The following DMXL1 variants were observed in gnomAD, a reference collection of about 807,000 sequenced individuals.
The protein encoded by DMXL1 is dmX-like protein 1.
DMXL1 carries 99 observed loss-of-function variants against 319.2 expected under a neutral mutation model. The ratio of observed to expected loss-of-function variants is 0.31; its 90% CI spans 0.26 to 0.37. The LOEUF is 0.37. Ranked by LOEUF, DMXL1 falls within the 10% of genes least tolerant of loss-of-function variation. The pLI is 1.00. For missense variants in DMXL1, 3,745 were observed against 3,595.6 expected (o/e 1.04, Z -1.06); for synonymous variants, 1,385 against 1,235.2 (o/e 1.12, Z -2.54).
intron 37 of DMXL1, among the ~76,000 whole-genome samples, chr5:119,223,999 T>C (rs1006184646): frequency 6.6e-6 from 1 of 152,144 alleles, no homozygotes; most frequent in South Asian, 2.1e-4. Context: ...TCTGCTATTT[T>C]GGAGTATAAC....
chr5:119,192,530 A>G (rs1778877078), intron 29 of DMXL1, among the ~76,000 whole-genome samples: 1 of 152,154 alleles, frequency 6.6e-6, no homozygotes, highest in Non-Finnish European at 1.5e-5. Flanking sequence ...ATACTTACTT[A>G]TATAACTTTC....
chr5:119,110,054 T>C, intron 4 of DMXL1, 97 bp from the exon 5 acceptor site: 4 of 1,155,470 alleles, frequency 3.5e-6, no homozygotes, highest in Non-Finnish European at 4.8e-6. Flanking sequence ...GATATTTGAC[T>C]TTTTTTTAGA....
At chr5:119,095,890 C>A (rs1444634704) in intron 1 of DMXL1, among the ~76,000 whole-genome samples, 1 of 152,096 alleles carries the variant, frequency 6.6e-6, no homozygotes, top group African/African-American at 2.4e-5. Flanking sequence ...CTAGTGGAAT[C>A]ATAATTGATT....
At chr5:119,073,867 C>G (rs1253363897) in intron 1 of DMXL1, among the ~76,000 whole-genome samples, 1 of 151,472 alleles carries the variant, frequency 6.6e-6, no homozygotes, top group African/African-American at 2.4e-5. Flanking sequence ...GCCCTTTTTT[C>G]TTCTCTCATG....
At position 119,150,161 on chromosome 5, in the gene DMXL1, A is replaced by C; in HGVS notation, c.4334A>C (p.Glu1445Ala). The C allele has an allele frequency of 8.1e-6, 13 of 1,613,856 alleles. No individual in the cohort carries two copies. Among genetic ancestry groups the C allele is most frequent in the Non-Finnish European group, 1.0e-5 (12 of 1,179,876 alleles). ...CAATTATCTAAAGAAAGTTATGATG[A>C]GCTTTTTCAGACTCAACTTCTAATG... ...SNQLSKESYD[E>A]LFQTQLLMTD... The change falls in exon 18 of 44, where the codon GAG (glutamate) becomes GCG (alanine). Residue 1445 changes from glutamate (E) to alanine (A), a missense_variant. By Grantham distance (107) the Glu-to-Ala change is moderately radical. This residue lies in a region of DMXL1 where 2,096 missense variants were observed against 1,985.4 expected (regional missense o/e 1.06). Coordinates refer to ENST00000539542, the MANE Select transcript of DMXL1 (RefSeq NM_001290321.3).
intron 19 of DMXL1, among the ~76,000 whole-genome samples, chr5:119,164,196 A>G (rs569470925): frequency 1.3e-5 from 2 of 152,286 alleles, no homozygotes; most frequent in East Asian, 3.9e-4. Context: ...ATATATCAAC[A>G]TAAAATAATG....
At chr5:119,218,390 CTGTT>C (rs1314373862) in intron 35 of DMXL1, among the ~76,000 whole-genome samples, 1 of 151,586 alleles carries the variant, frequency 6.6e-6, no homozygotes, top group African/African-American at 2.4e-5. Context: ...ATGAATATGC[CTGTT>C]TAATTTTTAT....
intron 10 of DMXL1, among the ~76,000 whole-genome samples, chr5:119,131,231 AT>A (rs940029260): frequency 6.6e-6 from 1 of 152,024 alleles, no homozygotes; most frequent in African/African-American, 2.4e-5. Flanking sequence ...CTTAAAAAAA[AT>A]ATATCTCTTC....
At chr5:119,169,022 G>A (rs932421422) in intron 23 of DMXL1, among the ~76,000 whole-genome samples, 4 of 151,950 alleles carry the variant, frequency 2.6e-5, no homozygotes, top group African/African-American at 4.8e-5. Context: ...CCACCCCAGC[G>A]TCCTGAGTAG....
At chr5:119,132,880 A>G in intron 10 of DMXL1, 1 of 574,450 alleles carries the variant, frequency 1.7e-6, no homozygotes. Context: ...AGTAGATAAG[A>G]AACTAGATCT....
intron 9 of DMXL1, chr5:119,127,426 T>C (rs1454024871): frequency 6.7e-6 from 1 of 150,288 alleles, no homozygotes; most frequent in Non-Finnish European, 1.5e-5. Context: ...TTGTCCAGGA[T>C]AGAATTTTAG....
Position 119,178,201 on chromosome 5 carries a change from A to G in DMXL1, c.7092A>G (p.Ala2364=), listed in dbSNP as rs79396421. 3 of 1,613,762 alleles carry G rather than the reference A, an allele frequency of 1.9e-6. No individual in the cohort carries two copies. The highest frequency in any genetic ancestry group is 2.2e-5 in the South Asian group (2 of 91,072). Residue 2364 remains alanine, a synonymous_variant, in exon 28 of 44, where the codon GCA becomes GCG. Transcript: ENST00000539542. ...GGTCTGCTGTGTTTGGTGGAGGTGCACATGTTCCTAGCAAAGAACAGACAC... is the reference window on the plus strand; with the variant it reads ...GGTCTGCTGTGTTTGGTGGAGGTGCGCATGTTCCTAGCAAAGAACAGACAC... ...KMWSAVFGGG[A]HVPSKEQTHS...
At position 119,149,653 on chromosome 5, in the gene DMXL1, C is replaced by T. The variant is rs548715208; in HGVS notation, c.3826C>T (p.His1276Tyr). ...ACAGAGTAACTCCAGTTCTGGGTTA[C>T]ATCCTCCAAAGAAAACTCTGACTCG... ...IKQSNSSSGL[H>Y]PPKKTLTRSM... The change falls in exon 18 of 44, where the codon CAT becomes TAT. Residue 1276 changes from histidine to tyrosine, a missense_variant. By Grantham distance (83) the His-to-Tyr change is moderately conservative. This residue lies in a region of DMXL1 where 2,096 missense variants were observed against 1,985.4 expected (regional missense o/e 1.06). Transcript: ENST00000539542. 1 of 1,613,946 alleles carries T rather than the reference C, an allele frequency of 6.2e-7. No individual in the cohort carries two copies. Among genetic ancestry groups the T allele is most frequent in the African/African-American group, 1.3e-5 (1 of 75,026 alleles).
chr5:119,207,001 A>G (rs1781858954), intron 34 of DMXL1, 105 bp downstream of exon 34: 2 of 618,962 alleles, frequency 3.2e-6, no homozygotes, highest in Admixed American at 6.9e-5. Context: ...ATGGATTTAA[A>G]GTATTGTTCC....
chr5:119,117,005 A>G (rs572931831), intron 7 of DMXL1, among the ~76,000 whole-genome samples: 10 of 151,598 alleles, frequency 6.6e-5, no homozygotes, highest in African/African-American at 2.4e-4. Context: ...TAAATTCCCT[A>G]TTTTTGTTTG....
At chr5:119,127,641 G>A (rs1380953280) in intron 9 of DMXL1, 2 of 167,396 alleles carry the variant, frequency 1.2e-5, no homozygotes, top group East Asian at 3.7e-4. Context: ...GTTTCGTCAT[G>A]TTGACCAGGC....
intron 9 of DMXL1, among the ~76,000 whole-genome samples, chr5:119,125,634 G>T (rs948499152): frequency 2.6e-5 from 4 of 151,346 alleles, no homozygotes; most frequent in Non-Finnish European, 5.9e-5. Flanking sequence ...GTGTGATCTC[G>T]GCTCACAGCA....
At position 119,152,447 on chromosome 5, in the gene DMXL1, A is replaced by C. The variant is rs558471136; in HGVS notation, c.4702+411A>C. Among the ~76,000 whole-genome samples the C allele has an allele frequency of 2.0e-5, 3 of 152,346 alleles. No individual in the cohort carries two copies. The South Asian group carries it at 6.2e-4, about 32-fold the overall frequency. ...CATTCTCAAATTTTAAATATTTCACAGAGTACAGAATATTGAAAGTGTAAA... is the reference window on the plus strand; with the variant it reads ...CATTCTCAAATTTTAAATATTTCACCGAGTACAGAATATTGAAAGTGTAAA... On this transcript the variant is annotated intron_variant, in intron 19 of 43. Coordinates refer to ENST00000539542, the MANE Select transcript of DMXL1 (RefSeq NM_001290321.3).
chr5:119,217,446 C>G (rs561829343), intron 35 of DMXL1, among the ~76,000 whole-genome samples: 1 of 152,238 alleles, frequency 6.6e-6, no homozygotes, highest in East Asian at 1.9e-4. Context: ...TACTTAACAT[C>G]CTCCTTAGAT....
Sources: gnomAD v4.1 joint callset for allele counts (sites outside exome capture counted in the v4.1 genomes callset) on GRCh38, gnomAD v4.1.1 for gene constraint, gnomAD v4.1.1 regional missense constraint, MANE v1.5 for transcripts, NCBI Gene and HGNC (gene_info 2026-07-23, HGNC 2026-07-21) for gene names.